SH3GL3: variants seen among roughly 807,000 people sequenced by gnomAD.
SH3GL3 encodes the protein SH3 domain containing GRB2 like 3, endophilin A3, also known as endophilin-A3.
Under a neutral mutation model 47.7 loss-of-function variants are expected in SH3GL3, and 33 were observed. The ratio of observed to expected loss-of-function variants is 0.69; its 90% confidence interval spans 0.52 to 0.92. SH3GL3 has a LOEUF of 0.92. SH3GL3 is among the 40% of genes least tolerant of loss of function. The probability of loss-of-function intolerance (pLI) is 0.00; values close to 1 mark genes in which losing one functional copy is unlikely to be tolerated. For missense variants in SH3GL3, 363 were observed against 417.8 expected (o/e 0.87, Z 1.14); for synonymous variants, 155 against 148.8 (o/e 1.04, Z -0.30).
intron 1 of SH3GL3, among the ~76,000 whole-genome samples, chr15:83,500,147 A>G (rs932718489): frequency 1.3e-5 from 2 of 152,154 alleles, no homozygotes; most frequent in Non-Finnish European, 2.9e-5. Context: ...ATCTCCAGTC[A>G]GTAACATGGA....
intron 1 of SH3GL3, among the ~76,000 whole-genome samples, chr15:83,526,693 C>A (rs1019884663): frequency 6.6e-6 from 1 of 151,958 alleles, no homozygotes; most frequent in African/African-American, 2.4e-5. Flanking sequence ...AGGAGAGGAT[C>A]AGGAAAAATA....
At chr15:83,568,472 T>G (rs911543330) in intron 3 of SH3GL3, 57 bp from the exon 4 acceptor site, 39 of 1,466,286 alleles carry the variant, frequency 2.7e-5, no homozygotes, top group Middle Eastern at 1.8e-4. Context: ...TTAAATTCTA[T>G]GTACCTGTCA....
At chr15:83,609,324 AG>A (rs765035260) in intron 8 of SH3GL3, 2 of 456,020 alleles carry the variant, frequency 4.4e-6, no homozygotes, top group Non-Finnish European at 8.8e-6. Context: ...TGCTTCGGGA[AG>A]GCCATTGACA....
In SH3GL3 at chr15:83,618,411, C is replaced by T. The variant is rs946094631; in HGVS notation, c.*124C>T. On this transcript the variant is annotated 3_prime_UTR_variant, in exon 9 of 9. Coordinates refer to ENST00000427482, the MANE Select transcript of SH3GL3 (RefSeq NM_003027.5). Reference sequence around the variant, plus strand: ...CAACTTAATGACTTTTGTATGTGTGCTCTCTTTATAATGTATTTTATATCA... The same window carrying T: ...CAACTTAATGACTTTTGTATGTGTGTTCTCTTTATAATGTATTTTATATCA... 3 of 651,052 alleles carry T rather than the reference C, an allele frequency of 4.6e-6. No homozygotes were observed. Among genetic ancestry groups the T allele is most frequent in the Admixed American group, 2.4e-5 (1 of 41,236 alleles). 40.3% of individuals were successfully genotyped at this position (651,052 alleles called of 1,614,324 possible). A position where few individuals can be genotyped will look rare whatever the true frequency, so the allele number is the denominator to read the frequency against.
At chr15:83,462,420 A>G (rs1432000071) in intron 1 of SH3GL3, among the ~76,000 whole-genome samples, 1 of 152,260 alleles carries the variant, frequency 6.6e-6, no homozygotes, top group Non-Finnish European at 1.5e-5. Flanking sequence ...CTTATTGAGT[A>G]GCTTTGGCAA....
chr15:83,562,553 T>G (rs2045341188), intron 2 of SH3GL3, among the ~76,000 whole-genome samples: 1 of 152,198 alleles, frequency 6.6e-6, no homozygotes, highest in South Asian at 2.1e-4. Flanking sequence ...TAAACTGAAC[T>G]TATGAATCTT....
chr15:83,555,695 C>A (rs2044916876), intron 1 of SH3GL3, among the ~76,000 whole-genome samples: 1 of 152,074 alleles, frequency 6.6e-6, no homozygotes, highest in African/African-American at 2.4e-5. Context: ...TTTTTTTTCC[C>A]AGCCTCATTT....
At chr15:83,559,737 C>G (rs909433646) in intron 2 of SH3GL3, among the ~76,000 whole-genome samples, 1 of 152,276 alleles carries the variant, frequency 6.6e-6, no homozygotes, top group East Asian at 1.9e-4. Flanking sequence ...CCATGTGTTG[C>G]AGGAGCTGCA....
chr15:83,541,310 C>CAATTTTTTTTTTTTTT (rs1567318555), intron 1 of SH3GL3, among the ~76,000 whole-genome samples: 6 of 47,748 alleles, frequency 1.3e-4, no homozygotes, highest in African/African-American at 3.9e-4. Context: ...TATGGTAATT[C>CAATTTTTTTTTTTTTT]TATTTTTTTT....
chr15:83,497,276 C>T (rs2042118473), intron 1 of SH3GL3, among the ~76,000 whole-genome samples: 1 of 152,138 alleles, frequency 6.6e-6, no homozygotes, highest in South Asian at 2.1e-4. Context: ...TGTCTTCACG[C>T]TCTCCTTTAC....
chr15:83,625,982 A>G, the SH3GL3 span, among the ~76,000 whole-genome samples: 1 of 151,972 alleles, frequency 6.6e-6, no homozygotes, highest in Non-Finnish European at 1.5e-5. Flanking sequence ...ACAGGCACCC[A>G]CCACCACACC....
At chr15:83,462,140 A>C (rs1174032976) in intron 1 of SH3GL3, among the ~76,000 whole-genome samples, 2 of 152,222 alleles carry the variant, frequency 1.3e-5, no homozygotes, top group African/African-American at 4.8e-5. Context: ...ATTACAAGGG[A>C]CAAGCCTTGT....
chr15:83,501,769 G>A (rs891512504), intron 1 of SH3GL3, among the ~76,000 whole-genome samples: 1 of 152,080 alleles, frequency 6.6e-6, no homozygotes, highest in Non-Finnish European at 1.5e-5. Context: ...GCCCACACCT[G>A]TAATCCCAGC....
At chr15:83,473,848 G>C (rs940240129) in intron 1 of SH3GL3, among the ~76,000 whole-genome samples, 13 of 144,772 alleles carry the variant, frequency 9.0e-5, no homozygotes, top group Non-Finnish European at 1.5e-4. Context: ...CGCCCGGCCT[G>C]TTGGGGCTTT....
chr15:83,520,454 G>A (rs758633708), intron 1 of SH3GL3, among the ~76,000 whole-genome samples: 12 of 152,160 alleles, frequency 7.9e-5, no homozygotes, highest in Non-Finnish European at 1.2e-4. Flanking sequence ...GGTAATTTCC[G>A]TCATTTTCTA....
chr15:83,613,501 G>A (rs2060725537), intron 8 of SH3GL3, among the ~76,000 whole-genome samples: 3 of 152,190 alleles, frequency 2.0e-5, no homozygotes, highest in Admixed American at 2.0e-4. Flanking sequence ...TTTACACATG[G>A]AGGTGGTGGC....
intron 3 of SH3GL3, chr15:83,565,806 C>A (rs1479538514): frequency 6.6e-6 from 1 of 152,136 alleles, no homozygotes; most frequent in African/African-American, 2.4e-5. Flanking sequence ...ATTTCTAAAG[C>A]CACCTTTCCT....
intron 3 of SH3GL3, 137 bp from the exon 4 acceptor site, chr15:83,568,392 C>T (rs959172893): frequency 1.6e-5 from 10 of 617,734 alleles, no homozygotes; most frequent in Non-Finnish European, 2.6e-5. Flanking sequence ...ATAGTTCACA[C>T]ACAATTGTTT....
chr15:83,617,085 T>G (rs2060843786), intron 8 of SH3GL3, among the ~76,000 whole-genome samples: 1 of 152,254 alleles, frequency 6.6e-6, no homozygotes, highest in Non-Finnish European at 1.5e-5. Context: ...GGGTAATGGT[T>G]TACAGCTCTG....
Sources: gnomAD v4.1 joint callset for allele counts (sites outside exome capture counted in the v4.1 genomes callset) on GRCh38, gnomAD v4.1.1 for gene constraint, MANE v1.5 for transcripts, NCBI Gene and HGNC (gene_info 2026-07-23, HGNC 2026-07-21) for gene names.